Variants in NPLOC4 observed in about 807,000 individuals in gnomAD.
The protein encoded by NPLOC4 is nuclear protein localization protein 4 homolog.
In NPLOC4, 18 loss-of-function variants were observed where a neutral mutation model predicts 80.6. That is an observed-to-expected ratio of 0.22 (90% CI 0.15 to 0.33). The LOEUF (loss-of-function observed/expected upper bound fraction) is 0.33. Ranked by LOEUF, NPLOC4 falls within the 10% of genes least tolerant of loss-of-function variation. The probability of loss-of-function intolerance (pLI) is 1.00; values close to 1 mark genes in which losing one functional copy is unlikely to be tolerated. For missense variants in NPLOC4, 540 were observed against 786.1 expected (o/e 0.69, Z 3.74); for synonymous variants, 313 against 301.5 (o/e 1.04, Z -0.39).
rs1210289335 is a variant in NPLOC4, at chr17:81,580,375, C to A, written c.1282-8287G>T. Among the ~76,000 whole-genome samples, 1 of 152,184 alleles carries A rather than the reference C, an allele frequency of 6.6e-6. No homozygotes were observed. The highest frequency in any genetic ancestry group is 1.9e-4 in the East Asian group (1 of 5,200). On this transcript the variant is annotated intron_variant, in intron 12 of 16. Transcript: ENST00000331134. This position sits in a 1 kb window ranked among gnomAD's most constrained non-coding sequence, Gnocchi z 4.4. Reference sequence around the variant, plus strand: ...ACTGCACAGCCATCTCTACTCTCTACCCTAGTCTCCTTTTCCAGCTCCGAG... The same window carrying A: ...ACTGCACAGCCATCTCTACTCTCTAACCTAGTCTCCTTTTCCAGCTCCGAG...
intron 1 of NPLOC4, among the ~76,000 whole-genome samples, chr17:81,635,037 G>T (rs9905786): frequency 0.74 from 111,956 of 151,748 alleles, 42,429 homozygotes; most frequent in East Asian, 1. Flanking sequence ...ATAAAAAAAT[G>T]TTTTTAATTA....
chr17:81,629,130 G>A (rs550147411), intron 2 of NPLOC4, among the ~76,000 whole-genome samples: 28 of 151,642 alleles, frequency 1.8e-4, no homozygotes, highest in East Asian at 1.7e-3. Context: ...CGCCCGCCTC[G>A]GCCTCCCAAA....
chr17:81,619,168 C>T (rs1428919217), intron 3 of NPLOC4, among the ~76,000 whole-genome samples: 1 of 151,556 alleles, frequency 6.6e-6, no homozygotes. Flanking sequence ...CTGCCAAATC[C>T]CCCTCTGCGA....
At chr17:81,584,598 G>A (rs993445052) in intron 12 of NPLOC4, among the ~76,000 whole-genome samples, 11 of 152,190 alleles carry the variant, frequency 7.2e-5, no homozygotes, top group Non-Finnish European at 1.2e-4. Flanking sequence ...ACTGGGAAAA[G>A]CCCAGAGAAT....
intron 9 of NPLOC4, among the ~76,000 whole-genome samples, chr17:81,599,329 T>C (rs763638554): frequency 1.3e-5 from 2 of 152,096 alleles, no homozygotes; most frequent in Non-Finnish European, 2.9e-5. Flanking sequence ...ACTTGTGTCT[T>C]GCAGAAAATT....
chr17:81,589,147 T>G, intron 11 of NPLOC4, 43 bp from the exon 12 acceptor site: 2 of 1,554,354 alleles, frequency 1.3e-6, no homozygotes, highest in Non-Finnish European at 1.8e-6. Flanking sequence ...CAAACGGCAT[T>G]CAAAACCAGT....
At chr17:81,596,023 ATAAC>A in intron 11 of NPLOC4, 89 bp downstream of exon 11, 1 of 1,301,202 alleles carries the variant, frequency 7.7e-7, no homozygotes, top group Non-Finnish European at 1.1e-6. Context: ...AAAGTCCAGT[ATAAC>A]TAAGTTAAGG....
intron 1 of NPLOC4, among the ~76,000 whole-genome samples, chr17:81,632,012 T>A (rs1324442207): frequency 6.6e-6 from 1 of 151,712 alleles, no homozygotes; most frequent in African/African-American, 2.4e-5. Flanking sequence ...CAGGGTGGAG[T>A]GCAGTGGCGC....
At chr17:81,597,721 T>G (rs995938861) in intron 9 of NPLOC4, among the ~76,000 whole-genome samples, 2 of 145,810 alleles carry the variant, frequency 1.4e-5, no homozygotes, top group African/African-American at 5.1e-5. Context: ...AGGCAGAGGT[T>G]GCAGTGTGCC....
chr17:81,591,447 G>GAAAAACAAAA (rs2034737824), intron 11 of NPLOC4, among the ~76,000 whole-genome samples: 1 of 76,326 alleles, frequency 1.3e-5, no homozygotes, highest in Non-Finnish European at 2.4e-5. Context: ...GAGTAAAACA[G>GAAAAACAAAA]AAAAAAAAAA....
chr17:81,600,519 G>A (rs2035034566), intron 8 of NPLOC4, 92 bp from the exon 9 acceptor site: 5 of 892,706 alleles, frequency 5.6e-6, no homozygotes, highest in Non-Finnish European at 9.1e-6. Context: ...TAGGTCACAA[G>A]GAGTGCTGGG....
At chr17:81,618,549 CCCG>C (rs2035573396) in intron 3 of NPLOC4, among the ~76,000 whole-genome samples, 1 of 80,036 alleles carries the variant, frequency 1.2e-5, no homozygotes, top group Non-Finnish European at 2.4e-5. Flanking sequence ...GGTCAGTGCC[CCCG>C]CCCGGCCAGC....
At chr17:81,627,558 G>T (rs1477219467) in intron 2 of NPLOC4, among the ~76,000 whole-genome samples, 1 of 151,506 alleles carries the variant, frequency 6.6e-6, no homozygotes, top group Non-Finnish European at 1.5e-5. Flanking sequence ...TGACCAACAT[G>T]GTGAAACTCC....
chr17:81,605,824 C>CTTT (rs766106515), intron 7 of NPLOC4, among the ~76,000 whole-genome samples: 9 of 141,070 alleles, frequency 6.4e-5, no homozygotes, highest in Non-Finnish European at 6.2e-5. Context: ...AACACATTTT[C>CTTT]TTTTTTTTTT....
At chr17:81,565,300 T>G (rs750829619) in intron 16 of NPLOC4, 35 of 702,678 alleles carry the variant, frequency 5.0e-5, no homozygotes, top group Non-Finnish European at 7.8e-5. Context: ...ACGTACGGCC[T>G]GGACAACATG....
At chr17:81,594,844 G>C (rs532939067) in intron 11 of NPLOC4, among the ~76,000 whole-genome samples, 1 of 152,004 alleles carries the variant, frequency 6.6e-6, no homozygotes, top group Non-Finnish European at 1.5e-5. Flanking sequence ...TACATAGGAG[G>C]CTGTTGGGGT....
intron 2 of NPLOC4, among the ~76,000 whole-genome samples, chr17:81,622,533 A>T (rs1255037032): frequency 6.6e-6 from 1 of 152,210 alleles, no homozygotes; most frequent in Non-Finnish European, 1.5e-5. Context: ...TAAGACTTTG[A>T]AGCAAACAAG....
chr17:81,634,799 A>G (rs184020866), intron 1 of NPLOC4, among the ~76,000 whole-genome samples: 1 of 151,540 alleles, frequency 6.6e-6, no homozygotes, highest in African/African-American at 2.4e-5. Flanking sequence ...TGGTCAGGCC[A>G]GTCTTGAACT....
intron 14 of NPLOC4, 146 bp downstream of exon 14, chr17:81,568,870 A>G (rs2034084597): frequency 1.6e-6 from 1 of 608,936 alleles, no homozygotes; most frequent in Non-Finnish European, 2.9e-6. Flanking sequence ...CGTGACCAGC[A>G]GTGCCCCACA....
Sources: gnomAD v4.1 joint callset for allele counts (sites outside exome capture counted in the v4.1 genomes callset) on GRCh38, gnomAD v4.1.1 for gene constraint, Gnocchi (gnomAD v3.1) non-coding constraint, MANE v1.5 for transcripts, NCBI Gene and HGNC (gene_info 2026-07-23, HGNC 2026-07-21) for gene names.